MRTFA: variants seen among roughly 807,000 people sequenced by gnomAD.
MRTFA encodes myocardin-related transcription factor A.
Under a neutral mutation model 83.5 loss-of-function variants are expected in MRTFA, and 20 were observed. The observed-to-expected ratio is 0.24, with a 90% CI of 0.17 to 0.35. The LOEUF (loss-of-function observed/expected upper bound fraction) is 0.35. Among genes scored for constraint, MRTFA ranks in the 10% least tolerant of loss-of-function variants. The pLI is 1.00. For synonymous variants in MRTFA, 659 were observed against 541.2 expected (o/e 1.22, Z -3.02); for missense variants, 1,200 against 1,224.7 (o/e 0.98, Z 0.30).
At chr22:40,488,682 A>AATT (rs1219826275) in intron 3 of MRTFA, among the ~76,000 whole-genome samples, 1 of 151,988 alleles carries the variant, frequency 6.6e-6, no homozygotes, top group Non-Finnish European at 1.5e-5. Flanking sequence ...AAATACGAAA[A>AATT]ATTAGCCAGG....
chr22:40,562,366 A>G (rs1176758953), intron 2 of MRTFA, among the ~76,000 whole-genome samples: 3 of 151,862 alleles, frequency 2.0e-5, no homozygotes, highest in Non-Finnish European at 2.9e-5. Flanking sequence ...CACCTGCTGA[A>G]TAACACTAAG....
At chr22:40,552,800 G>C (rs968646874) in intron 2 of MRTFA, among the ~76,000 whole-genome samples, 1 of 152,220 alleles carries the variant, frequency 6.6e-6, no homozygotes, top group Admixed American at 6.5e-5. Context: ...AGAGTGGGAT[G>C]CTGCTATAAG....
At chr22:40,434,286 A>T (rs1334945163) in intron 5 of MRTFA, among the ~76,000 whole-genome samples, 2 of 149,890 alleles carry the variant, frequency 1.3e-5, no homozygotes, top group Non-Finnish European at 3.0e-5. Flanking sequence ...GCTGCTTGTT[A>T]CTCCTTTGGT....
intron 3 of MRTFA, 109 bp downstream of exon 3, chr22:40,551,997 G>T: frequency 2.6e-6 from 1 of 392,096 alleles, no homozygotes; most frequent in African/African-American, 2.1e-5. Context: ...GAAATGTTAA[G>T]ATTATTAGGA....
intron 3 of MRTFA, among the ~76,000 whole-genome samples, chr22:40,470,257 A>ATATATATATATATATATATATT (rs2053881793): frequency 1.3e-4 from 14 of 111,726 alleles, no homozygotes; most frequent in African/African-American, 5.7e-4. Flanking sequence ...ATATATATAT[A>ATATATATATATATATATATATT]TATATATATA....
intron 3 of MRTFA, among the ~76,000 whole-genome samples, chr22:40,504,938 G>A (rs928592947): frequency 6.6e-6 from 1 of 152,130 alleles, no homozygotes; most frequent in African/African-American, 2.4e-5. Flanking sequence ...GTACCTTCAG[G>A]ATAAAGTTTC....
intron 3 of MRTFA, among the ~76,000 whole-genome samples, chr22:40,465,125 T>G (rs2053791975): frequency 6.6e-6 from 1 of 152,238 alleles, no homozygotes; most frequent in Admixed American, 6.5e-5. Flanking sequence ...CTCCACAGCA[T>G]TCAGTTACTC....
At chr22:40,577,184 C>T (rs1212488943) in intron 2 of MRTFA, among the ~76,000 whole-genome samples, 1 of 146,168 alleles carries the variant, frequency 6.8e-6, no homozygotes, top group African/African-American at 2.5e-5. Flanking sequence ...GATAGTGACA[C>T]TGCACTGCAC....
chr22:40,625,605 C>A (rs1455716703), intron 1 of MRTFA, among the ~76,000 whole-genome samples: 1 of 151,998 alleles, frequency 6.6e-6, no homozygotes, highest in Non-Finnish European at 1.5e-5. Flanking sequence ...TGGTGAAACC[C>A]TATCTCTACT....
At chr22:40,530,877 C>T (rs545596330) in intron 3 of MRTFA, among the ~76,000 whole-genome samples, 4 of 152,234 alleles carry the variant, frequency 2.6e-5, no homozygotes, top group Middle Eastern at 3.4e-3. Flanking sequence ...CAAAATACTT[C>T]GATAAAATCT....
In MRTFA at chr22:40,529,286, G is replaced by A. The variant is rs114559447; in HGVS notation, c.241+22820C>T. Among the ~76,000 whole-genome samples, 851 of 152,238 alleles carry A rather than the reference G, an allele frequency of 5.6e-3. 10 individuals carry two copies. Among genetic ancestry groups the A allele is most frequent in the African/African-American group, 0.02 (819 of 41,570 alleles). On this transcript the variant is annotated intron_variant, in intron 3 of 14. Coordinates refer to ENST00000355630, the MANE Select transcript of MRTFA (RefSeq NM_020831.6). ...GAATTTTAAGTACACAGGTATCAAG[G>A]AAAAGAGAGACTAAATGGACTGAAG... is the stretch of plus-strand genomic sequence containing the variant.
chr22:40,464,569 C>T (rs1158282688), intron 3 of MRTFA, among the ~76,000 whole-genome samples: 1 of 151,792 alleles, frequency 6.6e-6, no homozygotes, highest in Non-Finnish European at 1.5e-5. Flanking sequence ...GAGGATCCCA[C>T]GGGCCAAGGA....
intron 4 of MRTFA, among the ~76,000 whole-genome samples, chr22:40,436,086 G>A (rs2053164381): frequency 1.3e-5 from 2 of 152,108 alleles, no homozygotes; most frequent in South Asian, 2.1e-4. Context: ...GACTCCTAAT[G>A]GGAACTGTCA....
At chr22:40,629,689 T>G (rs916632221) in intron 1 of MRTFA, among the ~76,000 whole-genome samples, 1 of 149,050 alleles carries the variant, frequency 6.7e-6, no homozygotes, top group Non-Finnish European at 1.5e-5. Flanking sequence ...GGCAGGAGAA[T>G]TGCTTGAACC....
At chr22:40,555,402 C>T (rs1378893090) in intron 2 of MRTFA, among the ~76,000 whole-genome samples, 2 of 151,970 alleles carry the variant, frequency 1.3e-5, no homozygotes, top group South Asian at 4.2e-4. Flanking sequence ...TGAGTTCTTC[C>T]AATATCTAGT....
chr22:40,613,521 C>G (rs768250063), intron 1 of MRTFA, among the ~76,000 whole-genome samples: 1 of 152,146 alleles, frequency 6.6e-6, no homozygotes, highest in Non-Finnish European at 1.5e-5. Flanking sequence ...TAAACTTTAG[C>G]CATTCTAATG....
At chr22:40,512,539 T>C (rs2054685030) in intron 3 of MRTFA, among the ~76,000 whole-genome samples, 1 of 152,242 alleles carries the variant, frequency 6.6e-6, no homozygotes, top group Non-Finnish European at 1.5e-5. Flanking sequence ...AAGGATCATC[T>C]ATCCCTAACC....
intron 3 of MRTFA, among the ~76,000 whole-genome samples, chr22:40,511,511 T>C (rs1329851146): frequency 6.6e-6 from 1 of 152,182 alleles, no homozygotes; most frequent in Non-Finnish European, 1.5e-5. Context: ...ACCTTTCCTA[T>C]TTGGAGGAAA....
At chr22:40,601,016 A>C (rs1206561027) in intron 1 of MRTFA, among the ~76,000 whole-genome samples, 1 of 152,068 alleles carries the variant, frequency 6.6e-6, no homozygotes, top group Non-Finnish European at 1.5e-5. Context: ...CTACAATCTC[A>C]AACTGTCCAC....
Sources: gnomAD v4.1 joint callset for allele counts (sites outside exome capture counted in the v4.1 genomes callset) on GRCh38, gnomAD v4.1.1 for gene constraint, MANE v1.5 for transcripts, NCBI Gene and HGNC (gene_info 2026-07-23, HGNC 2026-07-21) for gene names.